IL15RA: variants seen among roughly 807,000 people sequenced by gnomAD.
IL15RA encodes the protein interleukin 15 receptor subunit alpha, also known as interleukin-15 receptor subunit alpha.
In IL15RA, 26 loss-of-function variants were observed where a neutral mutation model predicts 24.2. The observed-to-expected ratio is 1.07, with a 90% confidence interval of 0.79 to 1.49. The LOEUF (loss-of-function observed/expected upper bound fraction) is 1.49, where lower values mean the gene tolerates loss of function less well. Ranked by LOEUF, IL15RA falls within the 40% of genes most tolerant of loss-of-function variation. The probability of loss-of-function intolerance (pLI) is 0.00; values close to 1 mark genes in which losing one functional copy is unlikely to be tolerated. For missense variants in IL15RA, 354 were observed against 356.4 expected (o/e 0.99, Z 0.05); for synonymous variants, 166 against 157.6 (o/e 1.05, Z -0.40).
rs781695307 is a variant in IL15RA at position 5,958,319 on chromosome 10, C to T, written c.616+1435G>A. On this transcript the variant is annotated intron_variant, in intron 5 of 6. Coordinates refer to ENST00000379977, the MANE Select transcript of IL15RA (RefSeq NM_002189.4). This position sits in a 1 kb window ranked among gnomAD's most constrained non-coding sequence, Gnocchi z 4.3. ...TTTATACAGTCTCTCTGGAAGGATG[C>T]CTGGAAATCTGGTAGCAAGTGTTGC... The T allele has an allele frequency of 2.6e-4, 120 of 452,984 alleles. 1 individual carries two copies. In the Middle Eastern group the frequency reaches 3.6e-3, roughly 14 times the overall value. 28.1% of individuals were successfully genotyped at this position (452,984 alleles called of 1,614,324 possible).
At position 5,963,720 on chromosome 10, in the gene IL15RA, C is replaced by CATTAAAAAA; in HGVS notation, c.382+22_382+23insTTTTTTAAT. The CATTAAAAAA allele has an allele frequency of 6.9e-7, 1 of 1,459,126 alleles. No individual in the cohort carries two copies. The highest frequency in any genetic ancestry group is 9.1e-7 in the Non-Finnish European group (1 of 1,095,640). The allele number at this position is 1,459,126 out of a possible 1,614,324, so 90.4% of individuals were successfully genotyped here. On this transcript the variant is annotated intron_variant, in intron 3 of 6. Coordinates refer to ENST00000379977, the MANE Select transcript of IL15RA (RefSeq NM_002189.4). This position sits in a 1 kb window ranked among gnomAD's most constrained non-coding sequence, Gnocchi z 5.3. ...GGTGTTGGGAGGGAATGAATGTCCT[C>CATTAAAAAA]GAGAAGTTTCTGACCTTCCTACCTT...
intron 1 of IL15RA, among the ~76,000 whole-genome samples, chr10:5,972,887 T>C (rs534930466): frequency 2.1e-3 from 314 of 152,056 alleles, no homozygotes; most frequent in Admixed American, 3.2e-3. Context: ...CTAGATAAAA[T>C]GGATAGGAAA....
intron 6 of IL15RA, among the ~76,000 whole-genome samples, chr10:5,956,080 T>A (rs1834477979): frequency 6.6e-6 from 1 of 152,106 alleles, no homozygotes; most frequent in African/African-American, 2.4e-5. Context: ...AGTGGCGCAA[T>A]CTTGGCTCAC....
chr10:5,973,882 G>A lies in IL15RA; in HGVS notation c.88+3523C>T, dbSNP rs1837996484. 6.6e-6 allele frequency among the ~76,000 whole-genome samples: 1 copy of A among 152,014 alleles called. No individual in the cohort carries two copies. Among genetic ancestry groups the A allele is most frequent in the Non-Finnish European group, 1.5e-5 (1 of 68,014 alleles). ...AAGACACTGCTAAGAGAAAGGATAA[G>A]CCACAGAATCTGAGAAAATATTTGC... is the stretch of plus-strand genomic sequence containing the variant. On this transcript the variant is annotated intron_variant, in intron 1 of 6. Transcript: ENST00000379977. This position sits in a 1 kb window ranked among gnomAD's most constrained non-coding sequence, Gnocchi z 4.5.
In IL15RA at chr10:5,963,811, G is replaced by T; in HGVS notation, c.314C>A (p.Ala105Glu). 1.3e-6 allele frequency: 2 copies of T among 1,547,458 alleles called. No homozygotes were observed. Among genetic ancestry groups the T allele is most frequent in the Non-Finnish European group, 1.7e-6 (2 of 1,156,654 alleles). Residue 105 changes from alanine to glutamate, a missense_variant, in exon 3 of 7, where the codon GCG becomes GAG. Physicochemically the swap from Ala to Glu is moderately radical, Grantham distance 107. Transcript: ENST00000379977. This position sits in a 1 kb window ranked among gnomAD's most constrained non-coding sequence, Gnocchi z 5.3. ...RDPALVHQRP[A>E]PPSTVTTAGV... ...TGCCGTCGTTACTGTGGAGGGTGGCGCTGGCCTTTGGTGAACCAGGGCAGG... is the reference window on the plus strand; with the variant it reads ...TGCCGTCGTTACTGTGGAGGGTGGCTCTGGCCTTTGGTGAACCAGGGCAGG...
Position 5,959,177 on chromosome 10 carries a change from T to C in IL15RA, c.616+577A>G, listed in dbSNP as rs1835074033. 6.6e-6 allele frequency among the ~76,000 whole-genome samples: 1 copy of C among 151,400 alleles called. No homozygotes were observed. Reference sequence around the variant, plus strand: ...TTTTTTCTTTTTCTTTTTCTTTTTTTTTTTTTTTAATAGAGATGGGGTCTT... The same window carrying C: ...TTTTTTCTTTTTCTTTTTCTTTTTTCTTTTTTTTAATAGAGATGGGGTCTT... On this transcript the variant is annotated intron_variant, in intron 5 of 6. Transcript: ENST00000379977. The surrounding 1 kb of genome is among the most constrained non-coding windows in gnomAD (Gnocchi z 4.1).
Position 5,963,344 on chromosome 10 carries a change from C to G in IL15RA, c.382+399G>C, listed in dbSNP as rs376918330. Among the ~76,000 whole-genome samples, 1 of 152,208 alleles carries G rather than the reference C, an allele frequency of 6.6e-6. No individual in the cohort carries two copies. Among genetic ancestry groups the G allele is most frequent in the Non-Finnish European group, 1.5e-5 (1 of 68,046 alleles). ...GGACGAGGGAATTGATGTAAACATG[C>G]TGAAGCTCCCGCTGCCTGCTGGCCT... On this transcript the variant is annotated intron_variant, in intron 3 of 6. Transcript: ENST00000379977. This position sits in a 1 kb window ranked among gnomAD's most constrained non-coding sequence, Gnocchi z 5.3.
rs1423651937 is a variant in IL15RA, at chr10:5,958,187, C to T, written c.616+1567G>A. ...AAAAACGATGAGATGGTTTTTGTGTCCTGATATGGGAGGATCTACAAGGTA... is the reference window on the plus strand; with the variant it reads ...AAAAACGATGAGATGGTTTTTGTGTTCTGATATGGGAGGATCTACAAGGTA... On this transcript the variant is annotated intron_variant, in intron 5 of 6. Coordinates refer to ENST00000379977, the MANE Select transcript of IL15RA (RefSeq NM_002189.4). This position sits in a 1 kb window ranked among gnomAD's most constrained non-coding sequence, Gnocchi z 4.3. 2 of 340,340 alleles carry T rather than the reference C, an allele frequency of 5.9e-6. No homozygotes were observed. The highest frequency in any genetic ancestry group is 4.3e-5 in the African/African-American group (2 of 46,544). The allele number at this position is 340,340 out of a possible 1,614,324, so 21.1% of individuals were successfully genotyped here.
In IL15RA at chr10:5,953,103, G is replaced by A. The variant is rs750588618; in HGVS notation, c.796C>T (p.His266Tyr). ...RDEDLENCSH[H>Y]L ...GCTGGTTTCCCCGAGTTTCATAGGT[G>A]GTGAGAGCAGTTTTCCAAGTCTTCA... is the stretch of plus-strand genomic sequence containing the variant. Residue 266 changes from histidine (H) to tyrosine (Y), a missense_variant, in exon 7 of 7, where the codon CAC becomes TAC. Physicochemically the swap from His to Tyr is moderately conservative, Grantham distance 83. Coordinates refer to ENST00000379977, the MANE Select transcript of IL15RA (RefSeq NM_002189.4). This position sits in a 1 kb window ranked among gnomAD's most constrained non-coding sequence, Gnocchi z 5.3. The A allele has an allele frequency of 9.3e-6, 15 of 1,611,816 alleles. No homozygotes were observed. Among genetic ancestry groups the A allele is most frequent in the Non-Finnish European group, 1.3e-5 (15 of 1,177,788 alleles).
chr10:5,956,695 CCTT>C (rs1834571173), intron 5 of IL15RA, among the ~76,000 whole-genome samples: 1 of 152,218 alleles, frequency 6.6e-6, no homozygotes, highest in African/African-American at 2.4e-5. Context: ...TCATCCTTGT[CCTT>C]CTCAGGCAGA....
Position 5,960,629 on chromosome 10 carries a change from G to T in IL15RA, c.383-62C>A. 7.0e-7 allele frequency: 1 copy of T among 1,425,086 alleles called. No homozygotes were observed. Among genetic ancestry groups the T allele is most frequent in the East Asian group, 2.3e-5 (1 of 42,912 alleles). 88.3% of individuals were successfully genotyped at this position (1,425,086 alleles called of 1,614,324 possible). A position where few individuals can be genotyped will look rare whatever the true frequency, so the allele number is the denominator to read the frequency against. ...GCAGACTCCCCTCCTCTCAGCTGCAGCACGGGGTGATGTGGGAGCTGCCAT... is the reference window on the plus strand; with the variant it reads ...GCAGACTCCCCTCCTCTCAGCTGCATCACGGGGTGATGTGGGAGCTGCCAT... On this transcript the variant is annotated intron_variant, in intron 3 of 6. Transcript: ENST00000379977. This position sits in a 1 kb window ranked among gnomAD's most constrained non-coding sequence, Gnocchi z 5.1.
chr10:5,963,903 G>T lies in IL15RA; in HGVS notation c.284-62C>A. ...GAGCCTGGAACCTGGGCTGGCTTCA[G>T]AACGGGATACAAATAAAATATATCA... On this transcript the variant is annotated intron_variant, in intron 2 of 6. Transcript: ENST00000379977. The surrounding 1 kb of genome is among the most constrained non-coding windows in gnomAD (Gnocchi z 5.3). The T allele has an allele frequency of 9.6e-7, 1 of 1,037,456 alleles. No individual in the cohort carries two copies. Among genetic ancestry groups the T allele is most frequent in the Non-Finnish European group, 1.4e-6 (1 of 715,696 alleles). 64.3% of individuals were successfully genotyped at this position (1,037,456 alleles called of 1,614,324 possible). A position where few individuals can be genotyped will look rare whatever the true frequency, so the allele number is the denominator to read the frequency against.
At chr10:5,977,596 A>ATTCGCT (rs1158129401), upstream of IL15RA, 1 of 1,256,580 alleles carries the variant, frequency 8.0e-7, no homozygotes. Context: ...CGCCAGTCGC[A>ATTCGCT]TTCGCTTTCG....
chr10:5,974,885 T>TA (rs1279981034), intron 1 of IL15RA, among the ~76,000 whole-genome samples: 1 of 151,248 alleles, frequency 6.6e-6, no homozygotes, highest in Non-Finnish European at 1.5e-5. Flanking sequence ...TCAAAATAAG[T>TA]AAATTAAAAA....
Position 5,953,061 on chromosome 10 carries a change from A to G in IL15RA, c.*34T>C. On this transcript the variant is annotated 3_prime_UTR_variant, in exon 7 of 7. Transcript: ENST00000379977. This position sits in a 1 kb window ranked among gnomAD's most constrained non-coding sequence, Gnocchi z 5.3. ...TTAGCTAAAGCAGAGAGGCTCCTTC[A>G]CTCCGGACTTAGCTGGGCTGGTTTC... The G allele has an allele frequency of 6.8e-7, 1 of 1,479,434 alleles. No individual in the cohort carries two copies. Among genetic ancestry groups the G allele is most frequent in the East Asian group, 2.3e-5 (1 of 44,218 alleles). The allele number at this position is 1,479,434 out of a possible 1,614,324, so 91.6% of individuals were successfully genotyped here. A position where few individuals can be genotyped will look rare whatever the true frequency, so the allele number is the denominator to read the frequency against.
rs188627601 is a variant in IL15RA at position 5,970,275 on chromosome 10, C to T, written c.89-3936G>A. ...ATACATATCCTGTAAAGATCTGAAA[C>T]AGCAGACTTCCAGTCTCTCCCCCAA... On this transcript the variant is annotated intron_variant, in intron 1 of 6. Coordinates refer to ENST00000379977, the MANE Select transcript of IL15RA (RefSeq NM_002189.4). This position sits in a 1 kb window ranked among gnomAD's most constrained non-coding sequence, Gnocchi z 4.1. Among the ~76,000 whole-genome samples, 1 of 152,324 alleles carries T rather than the reference C, an allele frequency of 6.6e-6. No homozygotes were observed. The highest frequency in any genetic ancestry group is 1.5e-5 in the Non-Finnish European group (1 of 68,024).
In IL15RA at chr10:5,975,939, A is replaced by G. The variant is rs749219107; in HGVS notation, c.88+1466T>C. Reference sequence around the variant, plus strand: ...AGAAAAAGAAAAAGAAAAAACATTGAGAGCTTTGGGAAGGGAAGGTAGCAA... The same window carrying G: ...AGAAAAAGAAAAAGAAAAAACATTGGGAGCTTTGGGAAGGGAAGGTAGCAA... On this transcript the variant is annotated intron_variant, in intron 1 of 6. Coordinates refer to ENST00000379977, the MANE Select transcript of IL15RA (RefSeq NM_002189.4). This position sits in a 1 kb window ranked among gnomAD's most constrained non-coding sequence, Gnocchi z 4.8. Among the ~76,000 whole-genome samples the G allele has an allele frequency of 2.0e-4, 31 of 152,132 alleles. No homozygotes were observed. Among genetic ancestry groups the G allele is most frequent in the Non-Finnish European group, 3.8e-4 (26 of 68,016 alleles).
Position 5,959,447 on chromosome 10 carries a change from T to C in IL15RA, c.616+307A>G, listed in dbSNP as rs1589178192. ...AGCACCTGTAGTTTTGGATGCTCCA[T>C]GCAAAAGAGGTGCACCCTGCTGTGA... On this transcript the variant is annotated intron_variant, in intron 5 of 6. Transcript: ENST00000379977. The surrounding 1 kb of genome is among the most constrained non-coding windows in gnomAD (Gnocchi z 4.1). Among the ~76,000 whole-genome samples, 1 of 152,210 alleles carries C rather than the reference T, an allele frequency of 6.6e-6. No individual in the cohort carries two copies. The highest frequency in any genetic ancestry group is 1.5e-5 in the Non-Finnish European group (1 of 68,030).
chr10:5,969,003 G>A, intron 1 of IL15RA: 3 of 1,530,906 alleles, frequency 2.0e-6, no homozygotes, highest in Non-Finnish European at 2.6e-6. Flanking sequence ...TGTTTGTGTA[G>A]GATCCTGAGC....
Sources: gnomAD v4.1 joint callset for allele counts (sites outside exome capture counted in the v4.1 genomes callset) on GRCh38, gnomAD v4.1.1 for gene constraint, Gnocchi (gnomAD v3.1) non-coding constraint, MANE v1.5 for transcripts, NCBI Gene and HGNC (gene_info 2026-07-23, HGNC 2026-07-21) for gene names.